The following PRSS23 variants were observed in gnomAD, a reference collection of about 807,000 sequenced individuals.
PRSS23 encodes protease, serine 23.
A neutral mutation model predicts 34.7 loss-of-function variants in PRSS23; 25 were observed. That is an observed-to-expected ratio of 0.72 (90% CI 0.53 to 1.01). PRSS23 has a LOEUF of 1.01. PRSS23 is among the 50% of genes least tolerant of loss of function. PRSS23 has a pLI of 0.00. For synonymous variants in PRSS23, 176 were observed against 186.6 expected (o/e 0.94, Z 0.46); for missense variants, 445 against 475.6 (o/e 0.94, Z 0.60).
intron 2 of PRSS23, among the ~76,000 whole-genome samples, chr11:86,928,689 A>T (rs2135012618): frequency 3.4e-5 from 1 of 29,678 alleles, no homozygotes; most frequent in Non-Finnish European, 1.1e-4. Context: ...AAAAAAAAAA[A>T]AAAAAAAAAA....
At chr11:86,826,901 T>G (rs964778417) in intron 2 of PRSS23, among the ~76,000 whole-genome samples, 5 of 152,288 alleles carry the variant, frequency 3.3e-5, no homozygotes, top group Middle Eastern at 3.4e-3. Context: ...TTGCCAGTAT[T>G]TTATTGAGGA....
intron 2 of PRSS23, chr11:86,936,270 T>C (rs1367566338): frequency 6.6e-6 from 1 of 152,064 alleles, no homozygotes; most frequent in African/African-American, 2.4e-5. Context: ...TAATGCCAAT[T>C]ACTTTATTTT....
chr11:86,937,052 T>C (rs1949168975), intron 2 of PRSS23: 1 of 152,098 alleles, frequency 6.6e-6, no homozygotes, highest in African/African-American at 2.4e-5. Context: ...TAGAGGGCAG[T>C]AGGAAAAAAA....
chr11:86,829,473 A>C (rs775288341), intron 2 of PRSS23, among the ~76,000 whole-genome samples: 56 of 151,964 alleles, frequency 3.7e-4, no homozygotes, highest in Non-Finnish European at 2.5e-4. Context: ...GATTGTCTGA[A>C]GCCTTCTCTC....
At chr11:86,837,146 G>C (rs1359458350) in intron 2 of PRSS23, 1 of 152,158 alleles carries the variant, frequency 6.6e-6, no homozygotes, top group African/African-American at 2.4e-5. Context: ...AGAAAAATAT[G>C]TAATAAAATC....
rs1378084519 is a variant in PRSS23 at position 86,808,309 on chromosome 11, C to T, written c.666C>T (p.Ile222=). The part of the protein sequence containing the change: ...AMPEQMKFQW[I]RVKRTHVPKG... ...CCGAGCAGATGAAATTTCAGTGGAT[C>T]CGGGTGAAACGCACCCATGTGCCCA... The change falls in exon 2 of 2, where the codon ATC becomes ATT. Residue 222 remains isoleucine (I), a synonymous_variant. Transcript: ENST00000280258. 1 of 1,614,042 alleles carries T rather than the reference C, an allele frequency of 6.2e-7. No homozygotes were observed. The highest frequency in any genetic ancestry group is 1.7e-5 in the Admixed American group (1 of 60,010).
rs1377893278 is a variant in PRSS23 at position 86,944,674 on chromosome 11, T to G, written c.207-6542T>G. On this transcript the variant is annotated intron_variant, in intron 2 of 2. Transcript: ENST00000533902. Reference sequence around the variant, plus strand: ...TCTATTCAGAAAATGTTTCTTTAAGTGCAAGGAATTAAGAATTCATTCCAG... The same window carrying G: ...TCTATTCAGAAAATGTTTCTTTAAGGGCAAGGAATTAAGAATTCATTCCAG... Among the ~76,000 whole-genome samples the G allele has an allele frequency of 3.3e-5, 5 of 152,224 alleles. No homozygotes were observed. The South Asian group carries it at 8.3e-4, about 25-fold the overall frequency.
chr11:86,847,715 G>A (rs999722884), intron 2 of PRSS23, among the ~76,000 whole-genome samples: 1 of 152,150 alleles, frequency 6.6e-6, no homozygotes, highest in African/African-American at 2.4e-5. Flanking sequence ...CTGTACCACT[G>A]CCTGGCCACA....
At chr11:86,800,496 C>T (rs953166090), upstream of PRSS23, 171 of 983,982 alleles carry the variant, frequency 1.7e-4, 1 homozygote, top group Non-Finnish European at 2.0e-4. Flanking sequence ...TCGGGTGGCG[C>T]GGGGGGCGGA....
At chr11:86,845,650 T>C (rs1028152874) in intron 2 of PRSS23, among the ~76,000 whole-genome samples, 2 of 152,190 alleles carry the variant, frequency 1.3e-5, no homozygotes, top group African/African-American at 4.8e-5. Flanking sequence ...ATGAATAATA[T>C]TGAAGATATA....
At position 86,808,774 on chromosome 11, in the gene PRSS23, C is replaced by A; in HGVS notation, c.1131C>A (p.Tyr377Ter). 6.2e-7 allele frequency: 1 copy of A among 1,610,818 alleles called. No individual in the cohort carries two copies. The highest frequency in any genetic ancestry group is 8.5e-7 in the Non-Finnish European group (1 of 1,177,850). Residue 377 changes from tyrosine (Y) to a stop codon, truncating the protein, a stop_gained, in exon 2 of 2, where the codon TAC becomes TAA. Transcript: ENST00000280258. LOFTEE classifies it high-confidence loss of function. The stretch of plus-strand genomic sequence containing the variant: ...TTTGCTATTGGATTAAAGGAAACTA[C>A]CTGGATTGTAGGGAGGGGTGACACA... ...AQICYWIKGN[Y>*]LDCREG
intron 2 of PRSS23, among the ~76,000 whole-genome samples, chr11:86,835,817 C>T (rs1948400624): frequency 6.6e-6 from 1 of 152,114 alleles, no homozygotes; most frequent in Non-Finnish European, 1.5e-5. Context: ...TTTAAGAGTG[C>T]TTGGGTGGCT....
intron 2 of PRSS23, among the ~76,000 whole-genome samples, chr11:86,901,758 G>C (rs182268602): frequency 2.0e-5 from 3 of 152,308 alleles, no homozygotes; most frequent in African/African-American, 7.2e-5. Flanking sequence ...GGACCCTACA[G>C]ACCTTGCTCA....
intron 2 of PRSS23, among the ~76,000 whole-genome samples, chr11:86,924,677 C>CA (rs1227692094): frequency 6.6e-6 from 1 of 152,182 alleles, no homozygotes; most frequent in African/African-American, 2.4e-5. Flanking sequence ...ATAGTGATTA[C>CA]ATGATAATGA....
intron 2 of PRSS23, among the ~76,000 whole-genome samples, chr11:86,914,584 T>C (rs1949000310): frequency 6.6e-6 from 1 of 152,246 alleles, no homozygotes. Flanking sequence ...TGTTTCAGTT[T>C]TTATGTGACT....
chr11:86,885,779 C>A (rs988445809), intron 2 of PRSS23, among the ~76,000 whole-genome samples: 2 of 152,190 alleles, frequency 1.3e-5, no homozygotes, highest in African/African-American at 2.4e-5. Context: ...ATTCACACAT[C>A]CTATCTTATT....
At chr11:86,821,539 A>G (rs772085751) in intron 1 of PRSS23, 161 of 1,611,016 alleles carry the variant, frequency 1.0e-4, no homozygotes, top group Middle Eastern at 4.5e-4. Flanking sequence ...TTTGAGTGCA[A>G]GTATCTGGAT....
rs553255692 is a variant in PRSS23, at chr11:86,844,467, G to A, written c.206+20874G>A. On this transcript the variant is annotated intron_variant, in intron 2 of 2. Transcript: ENST00000533902. ...CACTTACTACACCAATGTCCACAGTGTGCAATACAGCTGTCAATGATTAAA... is the reference window on the plus strand; with the variant it reads ...CACTTACTACACCAATGTCCACAGTATGCAATACAGCTGTCAATGATTAAA... Among the ~76,000 whole-genome samples, 105 of 152,206 alleles carry A rather than the reference G, an allele frequency of 6.9e-4. 2 individuals are homozygous for A. The South Asian group carries it at 0.022, about 31-fold the overall frequency.
intron 2 of PRSS23, among the ~76,000 whole-genome samples, chr11:86,938,164 C>T (rs541673413): frequency 2.9e-4 from 44 of 152,262 alleles, no homozygotes; most frequent in Middle Eastern, 3.4e-3. Flanking sequence ...GTCGAGCACC[C>T]GAACCAGCAT....
Sources: gnomAD v4.1 joint callset for allele counts (sites outside exome capture counted in the v4.1 genomes callset) on GRCh38, gnomAD v4.1.1 for gene constraint, MANE v1.5 for transcripts, NCBI Gene and HGNC (gene_info 2026-07-23, HGNC 2026-07-21) for gene names.